The following KDM5A variants were observed in gnomAD, a reference collection of about 807,000 sequenced individuals.
The protein encoded by KDM5A is lysine-specific demethylase 5A.
In KDM5A, 42 loss-of-function variants were observed where a neutral mutation model predicts 193.5. That is an observed-to-expected ratio of 0.22 (90% CI 0.17 to 0.28). The LOEUF is 0.28. Ranked by LOEUF, KDM5A falls within the 10% of genes least tolerant of loss-of-function variation. The pLI, the probability that KDM5A is intolerant of heterozygous loss-of-function variation, is 1.00. For missense variants in KDM5A, 1,692 were observed against 2,055.1 expected, an observed-to-expected ratio of 0.82 and a Z score of 3.42; for synonymous variants, 796 against 718.1, an observed-to-expected ratio of 1.11 and a Z score of -1.73.
chr12:296,037 A>C (rs1267860027), intron 25 of KDM5A, among the ~76,000 whole-genome samples: 1 of 152,150 alleles, frequency 6.6e-6, no homozygotes, highest in African/African-American at 2.4e-5. Flanking sequence ...CAGTTCTTCC[A>C]GCCGGGTGTG....
chr12:323,520 G>A (rs1321425262), intron 15 of KDM5A, 80 bp downstream of exon 15: 1 of 1,356,312 alleles, frequency 7.4e-7, no homozygotes. Flanking sequence ...AAGGAGTAAA[G>A]TAAGGGAATA....
chr12:331,547 G>A (rs546374892), intron 13 of KDM5A, among the ~76,000 whole-genome samples: 1 of 152,160 alleles, frequency 6.6e-6, no homozygotes, highest in Non-Finnish European at 1.5e-5. Context: ...AATGGGGGAA[G>A]GGGAAAGTGA....
At position 331,789 on chromosome 12, in the gene KDM5A, C is replaced by T. The variant is rs748922250; in HGVS notation, c.1773+30G>A. 19 of 1,613,042 alleles carry T rather than the reference C, an allele frequency of 1.2e-5. No homozygotes were observed. In the Admixed American group the frequency reaches 1.5e-4, roughly 13 times the overall value. ...TTATATTTATAGGGGGGTTAGTAGA[C>T]GTACAACAGCCACTTGCTATAGAAC... On this transcript the variant is annotated intron_variant, in intron 13 of 27. Transcript: ENST00000399788.
chr12:324,346 A>G (rs1943757924), intron 14 of KDM5A, among the ~76,000 whole-genome samples: 1 of 152,124 alleles, frequency 6.6e-6, no homozygotes, highest in African/African-American at 2.4e-5. Context: ...GTTTTTTGAG[A>G]GAAGGGAAGA....
At chr12:323,578 T>G (rs763810434) in intron 15 of KDM5A, 22 bp downstream of exon 15, 1 of 1,610,050 alleles carries the variant, frequency 6.2e-7, no homozygotes, top group Non-Finnish European at 8.5e-7. Context: ...TAATGGAAGT[T>G]TTACAAAATA....
intron 10 of KDM5A, among the ~76,000 whole-genome samples, chr12:350,187 A>G (rs1358800836): frequency 2.0e-5 from 3 of 152,080 alleles, no homozygotes; most frequent in Admixed American, 6.6e-5. Context: ...CTGTAATCCC[A>G]GCACTTTGGG....
At position 323,690 on chromosome 12, in the gene KDM5A, G is replaced by A. The variant is rs2137411885; in HGVS notation, c.2060C>T (p.Ala687Val). The change falls in exon 15 of 28, where the codon GCT (alanine) becomes GTT (valine). Residue 687 changes from alanine (A) to valine (V), a missense_variant. Physicochemically the swap from Ala to Val is moderately conservative, Grantham distance 64 (BLOSUM62 0). Around this residue, in one of 11 missense-constraint regions of KDM5A, gnomAD observed 88 missense variants for 124.6 expected, o/e 0.71. Coordinates refer to ENST00000399788, the MANE Select transcript of KDM5A (RefSeq NM_001042603.3). Reference protein sequence around the residue: ...SACRTTCFLSALTCSCNPERL... With the variant: ...SACRTTCFLSVLTCSCNPERL... ...CTCAGGATTACAGGAACATGTGAGA[G>A]CAGAGAGAAAACATGTGGTTCTGCA... 6.2e-7 allele frequency: 1 copy of A among 1,613,884 alleles called. No homozygotes were observed. The highest frequency in any genetic ancestry group is 1.1e-5 in the South Asian group (1 of 91,078).
chr12:313,253 T>G, intron 19 of KDM5A, 59 bp from the exon 20 acceptor site: 1 of 1,578,450 alleles, frequency 6.3e-7, no homozygotes, highest in Non-Finnish European at 8.7e-7. Flanking sequence ...AAGTAACATT[T>G]CAGAATGTTT....
At chr12:321,706 T>A (rs1338310953) in intron 17 of KDM5A, among the ~76,000 whole-genome samples, 2 of 152,192 alleles carry the variant, frequency 1.3e-5, no homozygotes, top group African/African-American at 4.8e-5. Context: ...TACAACACAT[T>A]TAAATACCAC....
rs1179531484 is a variant in KDM5A, at chr12:385,976, T to TA, written c.166-3dup. ...ACAGGCAAATGGAGGCTGCCAGTCC[T>TA]AAATAGAAAGATTTTTTTAAAAAAA... On this transcript the variant is annotated splice_polypyrimidine_tract_variant and splice_region_variant and intron_variant, in intron 1 of 27. Coordinates refer to ENST00000399788, the MANE Select transcript of KDM5A (RefSeq NM_001042603.3). 1.9e-6 allele frequency: 3 copies of TA among 1,611,492 alleles called. No homozygotes were observed. The highest frequency in any genetic ancestry group is 2.5e-6 in the Non-Finnish European group (3 of 1,177,786).
intron 5 of KDM5A, 27 bp downstream of exon 5, chr12:362,936 A>T (rs375947240): frequency 6.2e-7 from 1 of 1,612,002 alleles, no homozygotes; most frequent in Non-Finnish European, 8.5e-7. Context: ...TTATTTAAAA[A>T]TTTAAAAAAG....
rs568831503 is a variant in KDM5A at position 332,080 on chromosome 12, A to G, written c.1654-142T>C. The G allele has an allele frequency of 6.9e-5, 51 of 744,030 alleles. No individual in the cohort carries two copies. The African/African-American group carries it at 7.2e-4, about 11-fold the overall frequency. The allele number at this position is 744,030 out of a possible 1,614,324, so 46.1% of individuals were successfully genotyped here. Reference sequence around the variant, plus strand: ...ATTAAGTTACACATATCAGAAAATGATATCAGAAATAGCCAGAATTCTACC... The same window carrying G: ...ATTAAGTTACACATATCAGAAAATGGTATCAGAAATAGCCAGAATTCTACC... On this transcript the variant is annotated intron_variant, in intron 12 of 27. Coordinates refer to ENST00000399788, the MANE Select transcript of KDM5A (RefSeq NM_001042603.3).
intron 13 of KDM5A, among the ~76,000 whole-genome samples, chr12:330,588 T>C (rs1376764274): frequency 6.6e-6 from 1 of 152,194 alleles, no homozygotes; most frequent in East Asian, 1.9e-4. Flanking sequence ...ACCTAGCCAA[T>C]TACCATGTAT....
intron 10 of KDM5A, among the ~76,000 whole-genome samples, chr12:343,770 A>C (rs1944036006): frequency 1.3e-5 from 2 of 152,234 alleles, no homozygotes; most frequent in South Asian, 4.1e-4. Flanking sequence ...GATCACCAAC[A>C]TCAAAGACCA....
intron 5 of KDM5A, among the ~76,000 whole-genome samples, chr12:361,225 T>A (rs1204971221): frequency 6.6e-6 from 1 of 152,058 alleles, no homozygotes; most frequent in Non-Finnish European, 1.5e-5. Context: ...GACGGAGTCT[T>A]GCTCTGTCGC....
chr12:356,594 T>C (rs922826239), intron 5 of KDM5A, 57 bp from the exon 6 acceptor site: 1 of 1,144,338 alleles, frequency 8.7e-7, no homozygotes, highest in African/African-American at 1.5e-5. Context: ...GCATTAATTT[T>C]TTTACCCAAG....
intron 3 of KDM5A, among the ~76,000 whole-genome samples, chr12:380,630 T>C (rs935211179): frequency 2.0e-5 from 3 of 151,788 alleles, no homozygotes; most frequent in Non-Finnish European, 4.4e-5. Flanking sequence ...GGCTGAGGCA[T>C]GAGAATCGGT....
chr12:300,794 A>G (rs1943432231), intron 24 of KDM5A, among the ~76,000 whole-genome samples: 1 of 152,218 alleles, frequency 6.6e-6, no homozygotes. Flanking sequence ...GCAGACTAAA[A>G]AGGAGAAAAG....
chr12:287,450 A>G (rs903701603), intron 27 of KDM5A, among the ~76,000 whole-genome samples: 3 of 152,096 alleles, frequency 2.0e-5, no homozygotes, highest in Admixed American at 6.6e-5. Flanking sequence ...TCTGTGCAAT[A>G]AAAAAACTCA....
Sources: allele counts gnomAD v4.1 joint callset (sites outside exome capture counted in the v4.1 genomes callset), GRCh38; gene constraint gnomAD v4.1.1; regional missense constraint gnomAD v4.1.1; transcripts MANE v1.5; gene names NCBI Gene and HGNC (gene_info 2026-07-23, HGNC 2026-07-21).